MPP7: variants seen among roughly 807,000 people sequenced by gnomAD.
MPP7 encodes the protein MAGUK p55 subfamily member 7.
MPP7 carries 60 observed loss-of-function variants against 76.5 expected under a neutral mutation model. The observed-to-expected ratio is 0.78, with a 90% CI of 0.64 to 0.97. The LOEUF (loss-of-function observed/expected upper bound fraction) is 0.97, where lower values mean the gene tolerates loss of function less well. Ranked by LOEUF, MPP7 falls within the 50% of genes least tolerant of loss-of-function variation. MPP7 has a pLI of 0.00. For missense variants in MPP7, 641 were observed against 694.0 expected, an observed-to-expected ratio of 0.92 and a Z score of 0.86; for synonymous variants, 237 against 244.5, an observed-to-expected ratio of 0.97 and a Z score of 0.29.
intron 1 of MPP7, among the ~76,000 whole-genome samples, chr10:28,283,205 T>C (rs1840720975): frequency 6.6e-6 from 1 of 151,828 alleles, no homozygotes. Flanking sequence ...GGGGAGGAAA[T>C]TTCCAATATG....
chr10:28,328,387 G>A (rs942866222), intron 2 of MPP7, among the ~76,000 whole-genome samples: 1 of 152,092 alleles, frequency 6.6e-6, no homozygotes, highest in Non-Finnish European at 1.5e-5. Context: ...AGATTAATAA[G>A]CTGTAGTAAA....
chr10:28,299,766 C>CTTTTTTTTTTT (rs59047415), intron 1 of MPP7, among the ~76,000 whole-genome samples: 8 of 132,734 alleles, frequency 6.0e-5, no homozygotes, highest in East Asian at 2.5e-4. Context: ...AAATTCAAGA[C>CTTTTTTTTTTT]TTTTTTTTTT....
intron 3 of MPP7, among the ~76,000 whole-genome samples, chr10:28,194,289 C>T (rs1381673927): frequency 2.0e-5 from 3 of 152,200 alleles, no homozygotes. Context: ...GCTGGGATTA[C>T]AGGCATGAGC....
intron 1 of MPP7, among the ~76,000 whole-genome samples, chr10:28,240,817 ACAGT>A (rs1839243997): frequency 6.6e-6 from 1 of 152,162 alleles, no homozygotes; most frequent in South Asian, 2.1e-4. Context: ...TTTAAAGAAC[ACAGT>A]CAATTAGTAG....
At chr10:28,229,623 C>T (rs937921053) in intron 2 of MPP7, among the ~76,000 whole-genome samples, 1 of 152,124 alleles carries the variant, frequency 6.6e-6, no homozygotes, top group African/African-American at 2.4e-5. Flanking sequence ...GGCACGGTGG[C>T]TCATGCCTGT....
chr10:28,171,657 G>A lies in MPP7; in HGVS notation c.157-21598C>T, dbSNP rs141504656. Among the ~76,000 whole-genome samples, 65 of 152,308 alleles carry A rather than the reference G, an allele frequency of 4.3e-4. No individual in the cohort carries two copies. The East Asian group carries it at 5.8e-3, about 14-fold the overall frequency. ...TGCAACCAAACTTTTTAAGTGTACC[G>A]TATTTGAAACTTGGCAGGCAGTTCT... On this transcript the variant is annotated intron_variant, in intron 3 of 16. Transcript: ENST00000683449.
intron 12 of MPP7, among the ~76,000 whole-genome samples, chr10:28,072,704 T>C (rs531067455): frequency 6.6e-6 from 1 of 152,278 alleles, no homozygotes; most frequent in East Asian, 1.9e-4. Context: ...CTACTTCACT[T>C]CAACCATGAC....
At chr10:28,138,929 T>G (rs904678272) in intron 5 of MPP7, among the ~76,000 whole-genome samples, 3 of 152,216 alleles carry the variant, frequency 2.0e-5, no homozygotes, top group African/African-American at 7.2e-5. Flanking sequence ...TGCTATGTGC[T>G]AGAAACAAAG....
At position 28,260,769 on chromosome 10, in the gene MPP7, C is replaced by CAA. The variant is rs772017051; in HGVS notation, c.-131-22036_-131-22035dup. Among the ~76,000 whole-genome samples, 585 of 67,500 alleles carry CAA rather than the reference C, an allele frequency of 8.7e-3. 2 individuals carry two copies. The highest frequency in any genetic ancestry group is 0.014 in the Middle Eastern group (2 of 138). The allele number at this position is 67,500 out of a possible 152,430, so 44.3% of individuals were successfully genotyped here. ...CTTGGGTAACAGAGAGACTCCATCTCAAAAAAAAAAAAAAAAAAAAAAAAA... is the reference window on the plus strand; with the variant it reads ...CTTGGGTAACAGAGAGACTCCATCTCAAAAAAAAAAAAAAAAAAAAAAAAAAA... On this transcript the variant is annotated intron_variant, in intron 1 of 16. Coordinates refer to ENST00000683449, the MANE Select transcript of MPP7 (RefSeq NM_001318170.2).
intron 1 of MPP7, among the ~76,000 whole-genome samples, chr10:28,299,553 G>A (rs571894172): frequency 5.3e-5 from 8 of 152,178 alleles, no homozygotes; most frequent in African/African-American, 1.9e-4. Flanking sequence ...AATATTGTGA[G>A]AATTACCAAA....
In MPP7 at chr10:28,280,207, G is replaced by A. The variant is rs560335233; in HGVS notation, c.-132+22654C>T. On this transcript the variant is annotated intron_variant, in intron 1 of 16. Transcript: ENST00000683449. ...TCTAGATTTGTTTTAGGAACAATAC[G>A]ATATAAAGAAGTTATACAGTCGTTC... is the stretch of plus-strand genomic sequence containing the variant. The A allele has an allele frequency of 2.9e-4, 44 of 152,118 alleles. 1 individual carries two copies. Among genetic ancestry groups the A allele is most frequent in the African/African-American group, 9.7e-4 (40 of 41,422 alleles). The allele number at this position is 152,118 out of a possible 1,614,324, so 9.4% of individuals were successfully genotyped here.
At chr10:28,073,743 C>T (rs2133378724) in intron 12 of MPP7, among the ~76,000 whole-genome samples, 1 of 151,964 alleles carries the variant, frequency 6.6e-6, no homozygotes, top group South Asian at 2.1e-4. Context: ...GCACTCCAGC[C>T]TGGTGACAGA....
chr10:28,138,263 T>C (rs1458053403), intron 5 of MPP7, among the ~76,000 whole-genome samples: 1 of 152,204 alleles, frequency 6.6e-6, no homozygotes, highest in Non-Finnish European at 1.5e-5. Flanking sequence ...ATTTGATGGT[T>C]AGAAGTGGTT....
At chr10:28,068,344 AC>A (rs1378707945) in intron 13 of MPP7, among the ~76,000 whole-genome samples, 2 of 152,152 alleles carry the variant, frequency 1.3e-5, no homozygotes, top group African/African-American at 2.4e-5. Flanking sequence ...GTCACAGAAA[AC>A]TATAATTTTA....
chr10:28,276,019 G>C (rs1404054237), intron 1 of MPP7, among the ~76,000 whole-genome samples: 1 of 149,674 alleles, frequency 6.7e-6, no homozygotes, highest in Non-Finnish European at 1.5e-5. Flanking sequence ...GACCAAAAAG[G>C]CCATCACATA....
Position 28,262,224 on chromosome 10 carries a change from T to TAC in MPP7, c.-131-23491_-131-23490dup, listed in dbSNP as rs1309335222. 6.9e-4 allele frequency among the ~76,000 whole-genome samples: 18 copies of TAC among 26,256 alleles called. 2 individuals are homozygous for TAC. The highest frequency in any genetic ancestry group is 2.2e-3 in the African/African-American group (18 of 8,270). The allele number at this position is 26,256 out of a possible 152,430, so 17.2% of individuals were successfully genotyped here. A position where few individuals can be genotyped will look rare whatever the true frequency, so the allele number is the denominator to read the frequency against. On this transcript the variant is annotated intron_variant, in intron 1 of 16. Transcript: ENST00000683449. ...ATATATATACATATATATATATATA[T>TAC]ACATATATATATATATATACATATA... is the stretch of plus-strand genomic sequence containing the variant.
chr10:28,161,703 G>A (rs751638374), intron 3 of MPP7, among the ~76,000 whole-genome samples: 16 of 151,858 alleles, frequency 1.1e-4, no homozygotes, highest in Non-Finnish European at 1.9e-4. Flanking sequence ...GAAAATATTC[G>A]CAATTTATTT....
chr10:28,151,582 C>T (rs546151188), intron 3 of MPP7, among the ~76,000 whole-genome samples: 8 of 152,266 alleles, frequency 5.3e-5, no homozygotes, highest in Non-Finnish European at 1.0e-4. Context: ...TAAGAACTTA[C>T]CAGGTGCCTG....
intron 1 of MPP7, among the ~76,000 whole-genome samples, chr10:28,271,672 G>A (rs1457069705): frequency 6.6e-6 from 1 of 152,038 alleles, no homozygotes. Context: ...GCAGTCTAAG[G>A]GCAATTAAAA....
Sources: allele counts gnomAD v4.1 joint callset (sites outside exome capture counted in the v4.1 genomes callset), GRCh38; gene constraint gnomAD v4.1.1; transcripts MANE v1.5; gene names NCBI Gene and HGNC (gene_info 2026-07-23, HGNC 2026-07-21).